Variants in PXDN observed in about 807,000 individuals in gnomAD.
PXDN encodes the protein peroxidasin homolog.
A neutral mutation model predicts 140.3 loss-of-function variants in PXDN; 77 were observed. The ratio of observed to expected loss-of-function variants is 0.55; its 90% CI spans 0.46 to 0.66. The LOEUF (loss-of-function observed/expected upper bound fraction) is 0.66, where lower values mean the gene tolerates loss of function less well. Among genes scored for constraint, PXDN ranks in the 30% least tolerant of loss-of-function variants. The probability of loss-of-function intolerance (pLI) is 0.00; values close to 1 mark genes in which losing one functional copy is unlikely to be tolerated. For synonymous variants in PXDN, 911 were observed against 857.4 expected, an observed-to-expected ratio of 1.06 and a Z score of -1.09; for missense variants, 1,838 against 2,039.5, an observed-to-expected ratio of 0.90 and a Z score of 1.90.
At chr2:1,642,843 C>T (rs540110742) in intron 19 of PXDN, among the ~76,000 whole-genome samples, 49 of 152,282 alleles carry the variant, frequency 3.2e-4, no homozygotes, top group African/African-American at 1.1e-3. Flanking sequence ...TCAGGGCGTC[C>T]CTCAGCTACA....
rs367602205 is a variant in PXDN at position 1,643,371 on chromosome 2, C to T, written c.3949G>A (p.Glu1317Lys). 222 of 1,613,344 alleles carry T rather than the reference C, an allele frequency of 1.4e-4. No individual in the cohort carries two copies. Among genetic ancestry groups the T allele is most frequent in the Non-Finnish European group, 1.7e-4 (203 of 1,179,676 alleles). ...VDLRVWQDCCEDCRTRGQFNA... is the reference protein window; with the variant it reads ...VDLRVWQDCCKDCRTRGQFNA... The stretch of plus-strand genomic sequence containing the variant: ...ACATGGTGCCCCTGGCACGCACCTT[C>T]ACAGCAGTCCTGCCACACCCGGAGG... The change falls in exon 19 of 23, where the codon GAA becomes AAA. Residue 1317 changes from glutamate to lysine, a missense_variant. Glu to Lys is a moderately conservative substitution (Grantham distance 56). Transcript: ENST00000252804.
rs147695468 is a variant in PXDN, at chr2:1,648,642, C to G, written c.3138G>C (p.Thr1046=). The G allele has an allele frequency of 1.2e-6, 2 of 1,610,828 alleles. No homozygotes were observed. Among genetic ancestry groups the G allele is most frequent in the Admixed American group, 1.7e-5 (1 of 59,632 alleles). Residue 1046 remains threonine (T), a synonymous_variant, in exon 17 of 23, where the codon ACG becomes ACC. Transcript: ENST00000252804. The surrounding 1 kb of genome is among the most constrained non-coding windows in gnomAD (Gnocchi z 8.9). ...GGTCGTAGCCGTGGTACTCTCCCAG[C>G]GTCCTCATGCCCACCTCCCCCAGGA... ...PKILGEVGMR[T]LGEYHGYDPG...
At chr2:1,718,183 A>G (rs1027174145) in intron 1 of PXDN, among the ~76,000 whole-genome samples, 1 of 151,182 alleles carries the variant, frequency 6.6e-6, no homozygotes, top group African/African-American at 2.5e-5. Flanking sequence ...CTACTACGCA[A>G]ACCTACTCTA....
intron 22 of PXDN, among the ~76,000 whole-genome samples, chr2:1,634,850 C>T (rs919385267): frequency 6.6e-6 from 1 of 152,236 alleles, no homozygotes; most frequent in African/African-American, 2.4e-5. Context: ...CCCATCCTGC[C>T]TCCTCACACT....
intron 1 of PXDN, among the ~76,000 whole-genome samples, chr2:1,733,740 T>A (rs1470040784): frequency 4.0e-5 from 1 of 24,914 alleles, no homozygotes; most frequent in African/African-American, 1.4e-4. Context: ...AGATTCTGTG[T>A]CAAATGACAA....
chr2:1,713,370 G>GA (rs1380752047), intron 1 of PXDN, among the ~76,000 whole-genome samples: 11 of 152,210 alleles, frequency 7.2e-5, no homozygotes, highest in African/African-American at 2.7e-4. Context: ...CCATCCCTGC[G>GA]AAAAGAAGCA....
chr2:1,684,374 C>T (rs576571008), intron 4 of PXDN, among the ~76,000 whole-genome samples: 6 of 152,242 alleles, frequency 3.9e-5, no homozygotes, highest in South Asian at 2.1e-4. Flanking sequence ...TGGATAAGGG[C>T]GAGGGAGGCC....
At chr2:1,638,005 G>A (rs982895242) in intron 21 of PXDN, among the ~76,000 whole-genome samples, 1 of 152,150 alleles carries the variant, frequency 6.6e-6, no homozygotes, top group African/African-American at 2.4e-5. Flanking sequence ...GGGATGAGGG[G>A]GCAGGCACAG....
chr2:1,697,658 T>C (rs548317719), intron 1 of PXDN, among the ~76,000 whole-genome samples: 4 of 152,364 alleles, frequency 2.6e-5, no homozygotes, highest in African/African-American at 9.6e-5. Flanking sequence ...GAAAGAGCAC[T>C]TCAACAAGCC....
rs371201041 is a variant in PXDN at position 1,660,413 on chromosome 2, C to T, written c.1837+468G>A. Among the ~76,000 whole-genome samples the T allele has an allele frequency of 1.8e-4, 28 of 152,260 alleles. No individual in the cohort carries two copies. The highest frequency in any genetic ancestry group is 6.5e-4 in the African/African-American group (27 of 41,550). The stretch of plus-strand genomic sequence containing the variant: ...GACTGGATCTATGTAAGGCTGCCTA[C>T]GAGCACCTAGAGGTTCCCACTGAAA... On this transcript the variant is annotated intron_variant, in intron 14 of 22. Transcript: ENST00000252804. This position sits in a 1 kb window ranked among gnomAD's most constrained non-coding sequence, Gnocchi z 4.6.
At chr2:1,666,166 T>C (rs776349964) in intron 10 of PXDN, 48 bp downstream of exon 10, 5 of 1,582,956 alleles carry the variant, frequency 3.2e-6, no homozygotes, top group East Asian at 2.3e-5. Context: ...AGTGGAGGGG[T>C]GAGGATGGGG....
chr2:1,742,895 T>G (rs1019987249), intron 1 of PXDN, among the ~76,000 whole-genome samples: 1 of 152,252 alleles, frequency 6.6e-6, no homozygotes, highest in Non-Finnish European at 1.5e-5. Context: ...CCCAGCACTT[T>G]GTTTCGGAGG....
At chr2:1,667,415 C>T (rs1305757813) in intron 9 of PXDN, among the ~76,000 whole-genome samples, 1 of 152,092 alleles carries the variant, frequency 6.6e-6, no homozygotes, top group Non-Finnish European at 1.5e-5. Flanking sequence ...AACACTTCTA[C>T]ACAAATGAAC....
At chr2:1,705,121 A>T (rs1684561017) in intron 1 of PXDN, among the ~76,000 whole-genome samples, 1 of 33,472 alleles carries the variant, frequency 3.0e-5, no homozygotes, top group Non-Finnish European at 5.8e-5. Context: ...CCGTGAGAGC[A>T]GAGGGCACGT....
intron 1 of PXDN, among the ~76,000 whole-genome samples, chr2:1,716,440 GAAAAAAAAAAAAAAAAA>G (rs550784477): frequency 3.4e-5 from 2 of 58,196 alleles, no homozygotes; most frequent in Non-Finnish European, 6.7e-5. Flanking sequence ...TCCATCTCAG[GAAAAAAAAAAAAAAAAA>G]AAAAAAAAAA....
At chr2:1,657,401 G>A (rs1166567375) in intron 14 of PXDN, among the ~76,000 whole-genome samples, 1 of 150,064 alleles carries the variant, frequency 6.7e-6, no homozygotes, top group Non-Finnish European at 1.5e-5. Context: ...GTCTTCTCCT[G>A]AAGGGGACCT....
At chr2:1,700,967 T>G (rs930148174) in intron 1 of PXDN, among the ~76,000 whole-genome samples, 1 of 152,090 alleles carries the variant, frequency 6.6e-6, no homozygotes, top group Non-Finnish European at 1.5e-5. Flanking sequence ...ATTTTAAAGG[T>G]TGGAATTATA....
intron 1 of PXDN, among the ~76,000 whole-genome samples, chr2:1,728,954 AT>A (rs1263274275): frequency 6.6e-6 from 1 of 152,184 alleles, no homozygotes; most frequent in East Asian, 1.9e-4. Flanking sequence ...CAGGACCACC[AT>A]GGCTAACCAG....
At chr2:1,675,382 T>C (rs1222838778) in intron 8 of PXDN, among the ~76,000 whole-genome samples, 3 of 152,190 alleles carry the variant, frequency 2.0e-5, no homozygotes, top group African/African-American at 7.2e-5. Flanking sequence ...AATGTAGGTG[T>C]GATGGACTGG....
Sources: gnomAD v4.1 joint callset for allele counts (sites outside exome capture counted in the v4.1 genomes callset) on GRCh38, gnomAD v4.1.1 for gene constraint, Gnocchi (gnomAD v3.1) non-coding constraint, MANE v1.5 for transcripts, NCBI Gene and HGNC (gene_info 2026-07-23, HGNC 2026-07-21) for gene names.